Variants in HMGXB3 observed in about 807,000 individuals in gnomAD.
HMGXB3 encodes HMG-box containing 3.
Under a neutral mutation model 121.5 loss-of-function variants are expected in HMGXB3, and 45 were observed. The ratio of observed to expected loss-of-function variants is 0.37; its 90% CI spans 0.29 to 0.47. The LOEUF (loss-of-function observed/expected upper bound fraction) is 0.47. Among genes scored for constraint, HMGXB3 ranks in the 20% least tolerant of loss-of-function variants. The pLI is 0.99. For missense variants in HMGXB3, 1,376 were observed against 1,602.2 expected (o/e 0.86, Z 2.41); for synonymous variants, 590 against 624.1 (o/e 0.95, Z 0.81).
intron 2 of HMGXB3, among the ~76,000 whole-genome samples, 167 bp downstream of exon 2, chr5:150,005,156 TACTGGCCAG>T (rs200221523): frequency 0.014 from 2,073 of 152,334 alleles, 22 homozygotes; most frequent in Middle Eastern, 0.071. Context: ...GCATTGCCAT[TACTGGCCAG>T]ACTTTGCTTT....
At chr5:150,049,749 C>G (rs1429584369) in intron 18 of HMGXB3, among the ~76,000 whole-genome samples, 6 of 151,628 alleles carry the variant, frequency 4.0e-5, no homozygotes. Context: ...TTGGGGGGCC[C>G]TGTCAGTGGA....
intron 13 of HMGXB3, 123 bp downstream of exon 13, chr5:150,037,650 G>C: frequency 1.3e-6 from 1 of 797,950 alleles, no homozygotes; most frequent in East Asian, 3.3e-5. Flanking sequence ...GAGGAAGGGG[G>C]AGTCTTCTTC....
chr5:150,025,807 A>G (rs961719982), intron 7 of HMGXB3, among the ~76,000 whole-genome samples: 9 of 151,826 alleles, frequency 5.9e-5, no homozygotes, highest in African/African-American at 1.9e-4. Context: ...TCCTGGGCTC[A>G]GGTGATCCGC....
At position 150,006,467 on chromosome 5, in the gene HMGXB3, C is replaced by T. The variant is rs1334285400; in HGVS notation, c.138-6C>T. ...GGAAAGCCTGAAGAAGTCATTGCTT[C>T]CTCAGGTCTGCTTACCTTCTGTACT... On this transcript the variant is annotated splice_polypyrimidine_tract_variant and splice_region_variant and intron_variant, in intron 2 of 19. Transcript: ENST00000502717. The T allele has an allele frequency of 1.3e-6, 2 of 1,548,822 alleles. No homozygotes were observed. The highest frequency in any genetic ancestry group is 4.0e-5 in the Admixed American group (2 of 50,532).
chr5:150,036,841 C>T lies in HMGXB3; in HGVS notation c.2189C>T (p.Thr730Ile), dbSNP rs372924880. The part of the protein sequence containing the change: ...RLILSNVSEE[T>I]VTIEQTSWSN... ...ATCTTGTCCAACGTGAGTGAGGAGA[C>T]AGTCACCATCGAGCAAACCTCTTGG... is the stretch of plus-strand genomic sequence containing the variant. Residue 730 changes from threonine to isoleucine, a missense_variant, in exon 12 of 20, where the codon ACA becomes ATA. Thr to Ile is a moderately conservative substitution (Grantham distance 89). Coordinates refer to ENST00000502717, the MANE Select transcript of HMGXB3 (RefSeq NM_014983.3). 7.9e-5 allele frequency: 123 copies of T among 1,551,590 alleles called. No individual in the cohort carries two copies. The highest frequency in any genetic ancestry group is 9.8e-5 in the Admixed American group (5 of 50,980).
rs996612384 is a variant in HMGXB3 at position 150,029,106 on chromosome 5, G to A, written c.1735-1635G>A. On this transcript the variant is annotated intron_variant, in intron 9 of 19. Coordinates refer to ENST00000502717, the MANE Select transcript of HMGXB3 (RefSeq NM_014983.3). The stretch of plus-strand genomic sequence containing the variant: ...ATCCTGCCACCCAGAATGACCATCC[G>A]ATGTGCTTTCAGGTCTTTTCCTGAA... 3.3e-5 allele frequency among the ~76,000 whole-genome samples: 5 copies of A among 152,184 alleles called. No homozygotes were observed. In the South Asian group the frequency reaches 6.2e-4, roughly 19 times the overall value.
rs1311078946 is a variant in HMGXB3 at position 150,047,647 on chromosome 5, C to T, written c.2974C>T (p.Leu992=). 6.4e-7 allele frequency: 1 copy of T among 1,551,692 alleles called. No homozygotes were observed. Among genetic ancestry groups the T allele is most frequent in the Non-Finnish European group, 8.7e-7 (1 of 1,146,996 alleles). Residue 992 remains leucine (L), a synonymous_variant, in exon 17 of 20, where the codon CTG becomes TTG. Transcript: ENST00000502717. ...VPGSGSALVR[L]LQEGTCKLDE... ...AGGCAGTGGCAGTGCCTTGGTGAGGCTGCTCCAGGAGGGCACCTGCAAGCT... is the reference window on the plus strand; with the variant it reads ...AGGCAGTGGCAGTGCCTTGGTGAGGTTGCTCCAGGAGGGCACCTGCAAGCT...
Position 150,024,286 on chromosome 5 carries a change from G to A in HMGXB3, c.1066G>A (p.Glu356Lys), listed in dbSNP as rs1182859674. The change falls in exon 7 of 20, where the codon GAA becomes AAA. Residue 356 changes from glutamate (E) to lysine (K), a missense_variant. Physicochemically the swap from Glu to Lys is moderately conservative, Grantham distance 56. This residue lies in a region of HMGXB3 where 1,116 missense variants were observed against 1,369.0 expected (regional missense o/e 0.82). Coordinates refer to ENST00000502717, the MANE Select transcript of HMGXB3 (RefSeq NM_014983.3). ...PKEKPAKVKV[E>K]LASGVSSKGS... is the part of the protein sequence containing the mutation. Reference sequence around the variant, plus strand: ...GGAAAAGCCAGCCAAAGTAAAAGTGGAATTGGCTTCTGGCGTCTCTTCCAA... The same window carrying A: ...GGAAAAGCCAGCCAAAGTAAAAGTGAAATTGGCTTCTGGCGTCTCTTCCAA... 13 of 1,538,372 alleles carry A rather than the reference G, an allele frequency of 8.5e-6. No homozygotes were observed. In the Admixed American group the frequency reaches 1.3e-4, roughly 15 times the overall value.
At chr5:150,027,625 A>C (rs1211011399) in intron 9 of HMGXB3, among the ~76,000 whole-genome samples, 2 of 151,420 alleles carry the variant, frequency 1.3e-5, no homozygotes, top group Admixed American at 1.3e-4. Flanking sequence ...ATCTTGGCTC[A>C]CTGCAACCTC....
chr5:150,012,778 C>T (rs115791667), intron 5 of HMGXB3, among the ~76,000 whole-genome samples: 6 of 152,302 alleles, frequency 3.9e-5, no homozygotes, highest in African/African-American at 1.2e-4. Context: ...AGACTGGATT[C>T]GTTTCTTGAT....
At chr5:150,003,665 G>A (rs1041719267) in intron 1 of HMGXB3, among the ~76,000 whole-genome samples, 5 of 151,178 alleles carry the variant, frequency 3.3e-5, no homozygotes, top group African/African-American at 1.2e-4. Context: ...CTGACTTTAG[G>A]AATGAACCCA....
intron 10 of HMGXB3, among the ~76,000 whole-genome samples, chr5:150,031,929 G>A (rs970882074): frequency 6.6e-6 from 1 of 151,766 alleles, no homozygotes; most frequent in African/African-American, 2.4e-5. Flanking sequence ...CCTTTTCCAT[G>A]CCTTCACTCA....
intron 16 of HMGXB3, among the ~76,000 whole-genome samples, chr5:150,046,258 G>C (rs1231709874): frequency 6.6e-6 from 1 of 152,184 alleles, no homozygotes; most frequent in Non-Finnish European, 1.5e-5. Context: ...GATCACTGAA[G>C]ATAAAGTGAG....
rs1276235952 is a variant in HMGXB3, at chr5:150,024,571, G to C, written c.1351G>C (p.Glu451Gln). The change falls in exon 7 of 20, where the codon GAG becomes CAG. Residue 451 changes from glutamate to glutamine, a missense_variant. Around this residue, in one of 2 missense-constraint regions of HMGXB3, gnomAD observed 1,116 missense variants for 1,369.0 expected, o/e 0.82. Transcript: ENST00000502717. ...TPVVKSGVQP[E>Q]VTLGTTDNDS... ...AGTCGTCAAAAGTGGTGTGCAGCCT[G>C]AGGTCACTCTGGGGACAACTGACAA... 6.4e-7 allele frequency: 1 copy of C among 1,551,790 alleles called. No homozygotes were observed. Among genetic ancestry groups the C allele is most frequent in the Admixed American group, 2.0e-5 (1 of 51,012 alleles).
intron 19 of HMGXB3, among the ~76,000 whole-genome samples, chr5:150,051,167 G>A (rs1434018574): frequency 6.6e-6 from 1 of 152,202 alleles, no homozygotes; most frequent in Non-Finnish European, 1.5e-5. Context: ...TTGTCTCTGT[G>A]TCTTGGTATA....
At chr5:150,007,705 G>A (rs182211824) in intron 3 of HMGXB3, among the ~76,000 whole-genome samples, 4 of 152,162 alleles carry the variant, frequency 2.6e-5, no homozygotes, top group South Asian at 2.1e-4. Context: ...TAGTGGAGTG[G>A]AGATGGAGTC....
intron 13 of HMGXB3, 105 bp downstream of exon 13, chr5:150,037,632 G>C: frequency 1.0e-6 from 1 of 973,144 alleles, no homozygotes. Flanking sequence ...TTCTCAGATG[G>C]GGCTTCTGAG....
At chr5:150,024,772 A>G (rs1364516219) in intron 7 of HMGXB3, 92 bp downstream of exon 7, 2 of 1,088,390 alleles carry the variant, frequency 1.8e-6, no homozygotes, top group African/African-American at 3.2e-5. Flanking sequence ...GAGAGGCAGC[A>G]GAGACCAGGC....
In HMGXB3 at chr5:150,037,443, C is replaced by T. The variant is rs1343502006; in HGVS notation, c.2329C>T (p.Arg777Cys). The change falls in exon 13 of 20, where the codon CGT (arginine) becomes TGT (cysteine). Residue 777 changes from arginine (R) to cysteine (C), a missense_variant. Transcript: ENST00000502717. ...GGAGTGCTGGCTGCTGACAGCCAGC[C>T]GTCTGCAGACAGTGACTGCCCAGGT... ...PQECWLLTAS[R>C]LQTVTAQVKM... The T allele has an allele frequency of 5.2e-6, 8 of 1,550,912 alleles. No individual in the cohort carries two copies. The highest frequency in any genetic ancestry group is 6.1e-6 in the Non-Finnish European group (7 of 1,146,494).
Sources: gnomAD v4.1 joint callset for allele counts (sites outside exome capture counted in the v4.1 genomes callset) on GRCh38, gnomAD v4.1.1 for gene constraint, gnomAD v4.1.1 regional missense constraint, MANE v1.5 for transcripts, NCBI Gene and HGNC (gene_info 2026-07-23, HGNC 2026-07-21) for gene names.